SPRED2: variants seen among roughly 807,000 people sequenced by gnomAD.
SPRED2 encodes the protein sprouty related EVH1 domain containing 2, also known as sprouty-related, EVH1 domain-containing protein 2.
SPRED2 carries 47 observed loss-of-function variants against 43.0 expected under a neutral mutation model. That is an observed-to-expected ratio of 1.09 (90% CI 0.87 to 1.40). SPRED2 has a LOEUF of 1.40. Among genes scored for constraint, SPRED2 ranks in the 40% most tolerant of loss-of-function variants. The probability of loss-of-function intolerance (pLI) is 0.00; values close to 1 mark genes in which losing one functional copy is unlikely to be tolerated. For synonymous variants in SPRED2, 225 were observed against 225.7 expected (o/e 1.00, Z 0.03); for missense variants, 561 against 586.4 (o/e 0.96, Z 0.45).
In SPRED2 at chr2:65,316,664, G is replaced by T; in HGVS notation, c.588+70C>A. 2.0e-6 allele frequency: 3 copies of T among 1,532,492 alleles called. 1 individual carries two copies. The South Asian group carries it at 3.6e-5, about 18-fold the overall frequency. The allele number at this position is 1,532,492 out of a possible 1,614,324, so 94.9% of individuals were successfully genotyped here. A position where few individuals can be genotyped will look rare whatever the true frequency, so the allele number is the denominator to read the frequency against. ...GGTCATGGAATTTGGCTGAATAGGA[G>T]GGGAAAGAGGCCATTCCAGAATCAG... is the stretch of plus-strand genomic sequence containing the variant. On this transcript the variant is annotated intron_variant, in intron 5 of 5. Transcript: ENST00000356388.
At chr2:65,325,300 T>C (rs1673577144) in intron 4 of SPRED2, among the ~76,000 whole-genome samples, 1 of 152,200 alleles carries the variant, frequency 6.6e-6, no homozygotes, top group South Asian at 2.1e-4. Flanking sequence ...ATTTGGGAGA[T>C]CAGTGGGCCT....
intron 1 of SPRED2, among the ~76,000 whole-genome samples, chr2:65,377,409 G>C (rs1413812549): frequency 6.6e-6 from 1 of 152,210 alleles, no homozygotes; most frequent in East Asian, 1.9e-4. Flanking sequence ...TTTGTGAAAG[G>C]AGTGATACAG....
intron 4 of SPRED2, among the ~76,000 whole-genome samples, chr2:65,321,659 T>C (rs745800598): frequency 1.3e-5 from 2 of 152,178 alleles, no homozygotes; most frequent in Non-Finnish European, 2.9e-5. Context: ...CTCTGCTAAT[T>C]ATAAGATGAT....
chr2:65,393,946 TA>T (rs1200916568), intron 1 of SPRED2, among the ~76,000 whole-genome samples: 5 of 152,196 alleles, frequency 3.3e-5, no homozygotes, highest in African/African-American at 1.2e-4. Flanking sequence ...AGCAAGCTTC[TA>T]AACCTTCTGA....
intron 1 of SPRED2, among the ~76,000 whole-genome samples, chr2:65,388,295 A>T (rs1381302960): frequency 1.3e-5 from 2 of 152,222 alleles, no homozygotes; most frequent in Non-Finnish European, 2.9e-5. Flanking sequence ...CTCAAGGTAG[A>T]GATCGCGTGT....
At chr2:65,307,664 G>A (rs958257217), downstream of SPRED2, among the ~76,000 whole-genome samples, 2 of 151,800 alleles carry the variant, frequency 1.3e-5, no homozygotes, top group African/African-American at 2.4e-5. Flanking sequence ...GACCCCAACA[G>A]TGCCCTTTAG....
chr2:65,397,266 G>A (rs1030965336), intron 1 of SPRED2, among the ~76,000 whole-genome samples: 1 of 152,110 alleles, frequency 6.6e-6, no homozygotes, highest in Non-Finnish European at 1.5e-5. Context: ...TTACTCCTGA[G>A]TACCCTGAAA....
In SPRED2 at chr2:65,313,317, G is replaced by C. The variant is rs969657576; in HGVS notation, c.*184C>G. ...GTGGCTGCTGCAGTGTGGGCGGCAGGGGGAGTGGAGAGTCTACCCGGCAGC... is the reference window on the plus strand; with the variant it reads ...GTGGCTGCTGCAGTGTGGGCGGCAGCGGGAGTGGAGAGTCTACCCGGCAGC... On this transcript the variant is annotated 3_prime_UTR_variant, in exon 6 of 6. Transcript: ENST00000356388. The C allele has an allele frequency of 5.5e-6, 8 of 1,442,792 alleles. No homozygotes were observed. In the African/African-American group the frequency reaches 1.0e-4, roughly 18 times the overall value. The allele number at this position is 1,442,792 out of a possible 1,614,324, so 89.4% of individuals were successfully genotyped here. A position where few individuals can be genotyped will look rare whatever the true frequency, so the allele number is the denominator to read the frequency against.
chr2:65,381,039 T>G (rs1297477560), intron 1 of SPRED2, among the ~76,000 whole-genome samples: 6 of 152,214 alleles, frequency 3.9e-5, no homozygotes, highest in African/African-American at 1.4e-4. Flanking sequence ...CTGGGGAAAC[T>G]GCTGCCCAGA....
At chr2:65,406,721 A>T (rs1676032180) in intron 1 of SPRED2, among the ~76,000 whole-genome samples, 1 of 152,166 alleles carries the variant, frequency 6.6e-6, no homozygotes, top group African/African-American at 2.4e-5. Flanking sequence ...TAAAAATAGT[A>T]ACATCGTTTT....
chr2:65,361,826 C>T (rs1674822691), intron 1 of SPRED2, among the ~76,000 whole-genome samples: 1 of 152,190 alleles, frequency 6.6e-6, no homozygotes, highest in South Asian at 2.1e-4. Context: ...CTTCACCCCT[C>T]CCAAGCAGCC....
At chr2:65,383,051 C>G (rs1675409570) in intron 1 of SPRED2, among the ~76,000 whole-genome samples, 1 of 152,186 alleles carries the variant, frequency 6.6e-6, no homozygotes, top group South Asian at 2.1e-4. Context: ...CCACGCAGCC[C>G]GGTCACCACC....
At chr2:65,316,179 C>A (rs1307573551) in intron 5 of SPRED2, among the ~76,000 whole-genome samples, 1 of 152,250 alleles carries the variant, frequency 6.6e-6, no homozygotes, top group Non-Finnish European at 1.5e-5. Flanking sequence ...CTCTGCAAAG[C>A]AGCCACTTGG....
chr2:65,408,072 C>A (rs10496125), intron 1 of SPRED2, among the ~76,000 whole-genome samples: 13,336 of 152,234 alleles, frequency 0.088, 1,072 homozygotes, highest in African/African-American at 0.2. Context: ...AAACCAGTCT[C>A]TTGAGCTTCT....
chr2:65,355,362 G>A (rs1426343958), intron 1 of SPRED2, among the ~76,000 whole-genome samples: 1 of 152,164 alleles, frequency 6.6e-6, no homozygotes, highest in Non-Finnish European at 1.5e-5. Flanking sequence ...AGGTAGTTCT[G>A]AGTTTTTTTC....
At chr2:65,331,416 A>G (rs1673807696) in intron 4 of SPRED2, among the ~76,000 whole-genome samples, 1 of 152,206 alleles carries the variant, frequency 6.6e-6, no homozygotes, top group African/African-American at 2.4e-5. Context: ...TTCCAGTTAC[A>G]TCCCATTAAC....
At chr2:65,317,305 G>A (rs1477807184) in intron 4 of SPRED2, among the ~76,000 whole-genome samples, 1 of 152,186 alleles carries the variant, frequency 6.6e-6, no homozygotes, top group Non-Finnish European at 1.5e-5. Flanking sequence ...CTGAGGTAAG[G>A]AGTTCAAGAG....
intron 1 of SPRED2, among the ~76,000 whole-genome samples, chr2:65,419,884 T>C (rs1026113830): frequency 6.6e-6 from 1 of 152,096 alleles, no homozygotes; most frequent in Non-Finnish European, 1.5e-5. Flanking sequence ...GGGAGAGACC[T>C]TAAGTTTTAT....
In SPRED2 at chr2:65,312,253, AG is replaced by A. The variant is rs1673090231; in HGVS notation, c.*1247del. 3 of 985,634 alleles carry A rather than the reference AG, an allele frequency of 3.0e-6. No homozygotes were observed. The highest frequency in any genetic ancestry group is 3.6e-6 in the Non-Finnish European group (3 of 829,940). 61.1% of individuals were successfully genotyped at this position (985,634 alleles called of 1,614,324 possible). ...GCGAGTCTGGGTTTGGAGTTGCAGG[AG>A]AAAGACACTTAGGCATTGGAAGGGT... is the stretch of plus-strand genomic sequence containing the variant. On this transcript the variant is annotated 3_prime_UTR_variant, in exon 6 of 6. Coordinates refer to ENST00000356388, the MANE Select transcript of SPRED2 (RefSeq NM_181784.3).
Sources: allele counts gnomAD v4.1 joint callset (sites outside exome capture counted in the v4.1 genomes callset), GRCh38; gene constraint gnomAD v4.1.1; transcripts MANE v1.5; gene names NCBI Gene and HGNC (gene_info 2026-07-23, HGNC 2026-07-21).